The following FOXP4 variants were observed in gnomAD, a reference collection of about 807,000 sequenced individuals.
FOXP4 encodes the protein forkhead box protein P4.
FOXP4 carries 25 observed loss-of-function variants against 82.6 expected under a neutral mutation model. That is an observed-to-expected ratio of 0.30 (90% confidence interval 0.22 to 0.42). FOXP4 has a LOEUF of 0.42. Ranked by LOEUF, FOXP4 falls within the 10% of genes least tolerant of loss-of-function variation. The pLI is 1.00. For synonymous variants in FOXP4, 415 were observed against 388.2 expected, an observed-to-expected ratio of 1.07 and a Z score of -0.81; for missense variants, 785 against 900.9, an observed-to-expected ratio of 0.87 and a Z score of 1.65.
intron 9 of FOXP4, 43 bp downstream of exon 9, chr6:41,588,774 GC>G (rs745885992): frequency 1.9e-6 from 3 of 1,606,194 alleles, no homozygotes; most frequent in African/African-American, 2.7e-5. Flanking sequence ...GTGGGCTCCA[GC>G]CCCTGCCCAC....
At chr6:41,576,974 C>G (rs1480271719) in intron 2 of FOXP4, among the ~76,000 whole-genome samples, 1 of 152,096 alleles carries the variant, frequency 6.6e-6, no homozygotes, top group African/African-American at 2.4e-5. Flanking sequence ...TTCAAACCTC[C>G]CACTGAAGCA....
At chr6:41,566,506 G>A (rs1581725630) in intron 2 of FOXP4, among the ~76,000 whole-genome samples, 1 of 152,158 alleles carries the variant, frequency 6.6e-6, no homozygotes, top group African/African-American at 2.4e-5. Flanking sequence ...TCCATTTTTA[G>A]GGCTCAAACT....
chr6:41,585,000 C>G (rs576921346), intron 4 of FOXP4, 109 bp downstream of exon 4: 3 of 1,388,256 alleles, frequency 2.2e-6, no homozygotes, highest in African/African-American at 2.9e-5. Flanking sequence ...ACCAGAGAGA[C>G]TGCTCAGGCC....
chr6:41,577,893 T>G (rs1175865956), intron 2 of FOXP4, 93 bp from the exon 3 acceptor site: 2 of 874,850 alleles, frequency 2.3e-6, no homozygotes, highest in Admixed American at 4.2e-5. Context: ...CACCTTACCC[T>G]GATCTCCTTC....
Position 41,591,368 on chromosome 6 carries a change from C to T in FOXP4, c.1536+46C>T, listed in dbSNP as rs1172251607. 2 of 1,460,250 alleles carry T rather than the reference C, an allele frequency of 1.4e-6. No homozygotes were observed. The highest frequency in any genetic ancestry group is 9.4e-7 in the Non-Finnish European group (1 of 1,063,672). The allele number at this position is 1,460,250 out of a possible 1,614,324, so 90.5% of individuals were successfully genotyped here. A position where few individuals can be genotyped will look rare whatever the true frequency, so the allele number is the denominator to read the frequency against. On this transcript the variant is annotated intron_variant, in intron 13 of 16. Coordinates refer to ENST00000307972, the MANE Select transcript of FOXP4 (RefSeq NM_001012426.2). This position sits in a 1 kb window ranked among gnomAD's most constrained non-coding sequence, Gnocchi z 4.2. ...CTTCTGGGCCCCAGTCACCCTTGGA[C>T]CTGCCATATCCCATGGAGACCAAGG...
rs1032385407 is a variant in FOXP4 at position 41,593,353 on chromosome 6, T to C, written c.1537-1517T>C. ...TGTGGGCCCAGCCAGCTGCCGTTCATCCAGGGACAGAGCTGCCATCTGCCA... is the reference window on the plus strand; with the variant it reads ...TGTGGGCCCAGCCAGCTGCCGTTCACCCAGGGACAGAGCTGCCATCTGCCA... On this transcript the variant is annotated intron_variant, in intron 13 of 16. Coordinates refer to ENST00000307972, the MANE Select transcript of FOXP4 (RefSeq NM_001012426.2). The surrounding 1 kb of genome is among the most constrained non-coding windows in gnomAD (Gnocchi z 4.1). Among the ~76,000 whole-genome samples the C allele has an allele frequency of 6.6e-6, 1 of 152,106 alleles. No homozygotes were observed.
In FOXP4 at chr6:41,590,402, G is replaced by A. The variant is rs532219510; in HGVS notation, c.1434+55G>A. On this transcript the variant is annotated intron_variant, in intron 12 of 16. Transcript: ENST00000307972. ...GAATGGCACACAGGCTGCTCCCCCA[G>A]CCCCCGCCACACCCCTGCCTCCAGG... 5 of 1,550,804 alleles carry A rather than the reference G, an allele frequency of 3.2e-6. No homozygotes were observed. The South Asian group carries it at 3.5e-5, about 11-fold the overall frequency.
At chr6:41,584,405 T>C (rs1765975096) in intron 3 of FOXP4, among the ~76,000 whole-genome samples, 1 of 152,254 alleles carries the variant, frequency 6.6e-6, no homozygotes, top group South Asian at 2.1e-4. Flanking sequence ...GCATGGGTTC[T>C]ACTGACCAGT....
intron 14 of FOXP4, among the ~76,000 whole-genome samples, chr6:41,595,222 T>C (rs1043519735): frequency 6.6e-6 from 1 of 152,194 alleles, no homozygotes; most frequent in Non-Finnish European, 1.5e-5. Flanking sequence ...GTCCTCACTC[T>C]GACTGAGGGA....
At chr6:41,584,267 C>T (rs12215942) in intron 3 of FOXP4, among the ~76,000 whole-genome samples, 29,552 of 152,240 alleles carry the variant, frequency 0.19, 3,508 homozygotes, top group Non-Finnish European at 0.28. Context: ...GTTTTGAATC[C>T]TTCCCATGCT....
intron 1 of FOXP4, 43 bp from the exon 2 acceptor site, chr6:41,565,702 C>G (rs1457270975): frequency 2.6e-6 from 4 of 1,525,228 alleles, no homozygotes; most frequent in Non-Finnish European, 3.6e-6. Context: ...CCCTTTCAGC[C>G]TTCAGCCTCA....
At chr6:41,570,151 G>A (rs1765117430) in intron 2 of FOXP4, 1 of 366,428 alleles carries the variant, frequency 2.7e-6, no homozygotes, top group African/African-American at 2.2e-5. Flanking sequence ...TGCAGGTCCA[G>A]GGCCCATTTC....
At chr6:41,595,646 A>T (rs1419768582) in intron 14 of FOXP4, among the ~76,000 whole-genome samples, 3 of 152,122 alleles carry the variant, frequency 2.0e-5, no homozygotes, top group African/African-American at 7.2e-5. Flanking sequence ...CTTGTTGCCC[A>T]GGCTAGAGTG....
chr6:41,576,091 G>C (rs1464373989), intron 2 of FOXP4, among the ~76,000 whole-genome samples: 1 of 141,880 alleles, frequency 7.0e-6, no homozygotes, highest in Non-Finnish European at 1.6e-5. Context: ...AGAGCCTTTT[G>C]ACTTAGAAAG....
chr6:41,592,038 A>G (rs1766544729), intron 13 of FOXP4, among the ~76,000 whole-genome samples: 1 of 151,550 alleles, frequency 6.6e-6, no homozygotes, highest in Non-Finnish European at 1.5e-5. Context: ...GGAAGGTGAT[A>G]TCTAAATTGG....
chr6:41,556,116 G>A lies in FOXP4; in HGVS notation c.-17+9249G>A, dbSNP rs77420487. ...GGCTTGGATTCCAGAGTGACTCGGG[G>A]AGTTAGGACGCGGGGAGGAGCACTG... is the stretch of plus-strand genomic sequence containing the variant. On this transcript the variant is annotated intron_variant, in intron 1 of 16. Coordinates refer to ENST00000307972, the MANE Select transcript of FOXP4 (RefSeq NM_001012426.2). Among the ~76,000 whole-genome samples the A allele has an allele frequency of 3.5e-3, 535 of 152,166 alleles. 3 individuals carry two copies. The highest frequency in any genetic ancestry group is 0.02 in the Middle Eastern group (6 of 294).
intron 15 of FOXP4, 135 bp downstream of exon 15, chr6:41,597,377 C>G: frequency 1.1e-6 from 1 of 884,644 alleles, no homozygotes; most frequent in South Asian, 1.6e-5. Flanking sequence ...TCTCCGAGAC[C>G]CCACCTCTCT....
In FOXP4 at chr6:41,546,399, G is replaced by A. The variant is rs1763613879; in HGVS notation, c.-485G>A. On this transcript the variant is annotated 5_prime_UTR_variant, in exon 1 of 17. Coordinates refer to ENST00000307972, the MANE Select transcript of FOXP4 (RefSeq NM_001012426.2). ...CGCAGCCACTCGCAGCCCAGGCTCAGTCGCAGCCCCTCGGAGTCCGGAGCC... is the reference window on the plus strand; with the variant it reads ...CGCAGCCACTCGCAGCCCAGGCTCAATCGCAGCCCCTCGGAGTCCGGAGCC... 6.6e-6 allele frequency: 1 copy of A among 151,246 alleles called. No individual in the cohort carries two copies. The highest frequency in any genetic ancestry group is 2.4e-5 in the African/African-American group (1 of 41,310). The allele number at this position is 151,246 out of a possible 1,614,324, so 9.4% of individuals were successfully genotyped here.
At position 41,578,022 on chromosome 6, in the gene FOXP4, G is replaced by T. The variant is rs867185222; in HGVS notation, c.241G>T (p.Ala81Ser). 3.1e-6 allele frequency: 5 copies of T among 1,613,292 alleles called. No individual in the cohort carries two copies. The highest frequency in any genetic ancestry group is 4.2e-6 in the Non-Finnish European group (5 of 1,179,994). The change falls in exon 3 of 17, where the codon GCC becomes TCC. Residue 81 changes from alanine to serine, a missense_variant. Ala to Ser is a moderately conservative substitution (Grantham distance 99, BLOSUM62 1). This residue lies in a region of FOXP4 where 570 missense variants were observed against 634.0 expected (regional missense o/e 0.90). Transcript: ENST00000307972. ...QVARQFLLQQ[A>S]SGLSSPGNND... is the part of the protein sequence containing the mutation. Reference sequence around the variant, plus strand: ...GGCCCGGCAGTTCCTGCTGCAGCAGGCCTCAGGCCTGAGCTCCCCAGGGAA... The same window carrying T: ...GGCCCGGCAGTTCCTGCTGCAGCAGTCCTCAGGCCTGAGCTCCCCAGGGAA...
Sources: gnomAD v4.1 joint callset for allele counts (sites outside exome capture counted in the v4.1 genomes callset) on GRCh38, gnomAD v4.1.1 for gene constraint, gnomAD v4.1.1 regional missense constraint, Gnocchi (gnomAD v3.1) non-coding constraint, MANE v1.5 for transcripts, NCBI Gene and HGNC (gene_info 2026-07-23, HGNC 2026-07-21) for gene names.